Variants in LGI2 observed in about 807,000 individuals in gnomAD.
LGI2 encodes leucine rich repeat LGI family member 2.
Under a neutral mutation model 52.0 loss-of-function variants are expected in LGI2, and 30 were observed. The observed-to-expected ratio is 0.58, with a 90% CI of 0.43 to 0.78. The LOEUF is 0.78. LGI2 is among the 30% of genes least tolerant of loss of function. The pLI is 0.00. For synonymous variants in LGI2, 270 were observed against 271.8 expected (o/e 0.99, Z 0.06); for missense variants, 573 against 692.5 (o/e 0.83, Z 1.94).
chr4:25,011,438 C>T (rs1170674401), intron 7 of LGI2, among the ~76,000 whole-genome samples: 5 of 151,980 alleles, frequency 3.3e-5, no homozygotes, highest in Admixed American at 6.5e-5. Flanking sequence ...CATCTCACAC[C>T]GAGATACACT....
At chr4:25,030,432 C>T in intron 1 of LGI2, 65 bp downstream of exon 1, 1 of 1,520,366 alleles carries the variant, frequency 6.6e-7, no homozygotes, top group Non-Finnish European at 8.9e-7. Context: ...CCAGAGGCAA[C>T]TCCCTCGCGG....
At chr4:24,994,076 T>C (rs145490030), downstream of LGI2, among the ~76,000 whole-genome samples, 384 of 152,316 alleles carry the variant, frequency 2.5e-3, no homozygotes, top group Non-Finnish European at 4.4e-3. Flanking sequence ...TAGTTAGTGC[T>C]ATTCAATGTG....
intron 4 of LGI2, 116 bp from the exon 5 acceptor site, chr4:25,019,354 A>T (rs1401665144): frequency 1.5e-6 from 1 of 651,478 alleles, no homozygotes; most frequent in African/African-American, 1.9e-5. Context: ...ATACTGAGAT[A>T]GAGAAATGAG....
intron 7 of LGI2, among the ~76,000 whole-genome samples, chr4:25,009,235 C>T (rs1725495332): frequency 1.3e-5 from 2 of 152,188 alleles, no homozygotes; most frequent in Non-Finnish European, 2.9e-5. Context: ...TGCAACTCCC[C>T]GCTGGCTCAT....
chr4:25,026,822 AC>A, intron 3 of LGI2, 45 bp downstream of exon 3: 1 of 1,447,196 alleles, frequency 6.9e-7, no homozygotes, highest in Non-Finnish European at 9.7e-7. Flanking sequence ...CAGAAATTCT[AC>A]CAAGATACCG....
intron 4 of LGI2, among the ~76,000 whole-genome samples, chr4:25,022,745 C>T (rs1342811339): frequency 1.3e-5 from 2 of 152,216 alleles, no homozygotes; most frequent in Non-Finnish European, 2.9e-5. Context: ...AATACCCGCG[C>T]ATGATACCTG....
intron 7 of LGI2, among the ~76,000 whole-genome samples, chr4:25,006,358 G>A (rs1000276583): frequency 2.0e-5 from 3 of 152,032 alleles, no homozygotes; most frequent in Admixed American, 6.6e-5. Context: ...TCCATTAAAG[G>A]TTATTTCTTT....
chr4:25,007,809 C>G (rs1725441882), intron 7 of LGI2, among the ~76,000 whole-genome samples: 1 of 152,180 alleles, frequency 6.6e-6, no homozygotes. Flanking sequence ...GGAGCCATCC[C>G]TTTGGCAACA....
intron 4 of LGI2, among the ~76,000 whole-genome samples, chr4:25,023,068 T>TGATGATGATGATGA (rs1491429239): frequency 1.7e-4 from 26 of 151,148 alleles, no homozygotes; most frequent in Middle Eastern, 3.4e-3. Context: ...TATGTTGATG[T>TGATGATGATGATGA]TGATGATGAT....
downstream of LGI2, among the ~76,000 whole-genome samples, chr4:24,997,362 T>C (rs1474426200): frequency 6.6e-6 from 1 of 152,228 alleles, no homozygotes; most frequent in Non-Finnish European, 1.5e-5. Context: ...AGTTCCAAGA[T>C]GAAATGCACT....
rs929383568 is a variant in LGI2, at chr4:25,007,578, A to T, written c.821-3310T>A. Among the ~76,000 whole-genome samples, 6 of 142,350 alleles carry T rather than the reference A, an allele frequency of 4.2e-5. No homozygotes were observed. The East Asian group carries it at 1.2e-3, about 29-fold the overall frequency. 93.4% of individuals were successfully genotyped at this position (142,350 alleles called of 152,430 possible). A position where few individuals can be genotyped will look rare whatever the true frequency, so the allele number is the denominator to read the frequency against. On this transcript the variant is annotated intron_variant, in intron 7 of 7. Transcript: ENST00000382114. The stretch of plus-strand genomic sequence containing the variant: ...TGGAGTTGTCAGTAGCAGACAGATC[A>T]GTGTGTGTGTGTGTGTGTGTGTGTG...
chr4:25,021,756 G>A (rs1009417063), intron 4 of LGI2, among the ~76,000 whole-genome samples: 9 of 151,820 alleles, frequency 5.9e-5, no homozygotes, highest in African/African-American at 1.7e-4. Context: ...ACGGTGAAAC[G>A]CTGTCTCTAC....
At chr4:25,006,105 A>T (rs1324196922) in intron 7 of LGI2, among the ~76,000 whole-genome samples, 1 of 152,246 alleles carries the variant, frequency 6.6e-6, no homozygotes, top group Non-Finnish European at 1.5e-5. Flanking sequence ...GTGCTTGCCC[A>T]TAGTGGGCAT....
intron 4 of LGI2, among the ~76,000 whole-genome samples, chr4:25,019,688 C>T (rs932085420): frequency 6.6e-6 from 1 of 152,216 alleles, no homozygotes; most frequent in African/African-American, 2.4e-5. Flanking sequence ...GGCCTCTGAA[C>T]TTGGTCATCT....
In LGI2 at chr4:25,026,873, T is replaced by C; in HGVS notation, c.336A>G (p.Glu112=). The C allele has an allele frequency of 6.2e-7, 1 of 1,611,012 alleles. No homozygotes were observed. Among genetic ancestry groups the C allele is most frequent in the Non-Finnish European group, 8.5e-7 (1 of 1,177,172 alleles). Reference sequence around the variant, plus strand: ...AGACAAAGCACAAAACTTACAGGTATTCAAGATGAAAAAGTCCAGCAAAAG... The same window carrying C: ...AGACAAAGCACAAAACTTACAGGTACTCAAGATGAAAAAGTCCAGCAAAAG... ...DDAFAGLFHL[E]YLFIEGNKIE... is the part of the protein sequence containing the mutation. The change falls in exon 3 of 8, where the codon GAA becomes GAG. Residue 112 remains glutamate (E), a synonymous_variant. Transcript: ENST00000382114.
At chr4:25,015,479 C>T (rs988554649) in intron 6 of LGI2, among the ~76,000 whole-genome samples, 16 of 152,176 alleles carry the variant, frequency 1.1e-4, no homozygotes, top group African/African-American at 3.6e-4. Flanking sequence ...ATATGAATTA[C>T]ACCCCTTGGC....
chr4:25,021,947 A>C (rs1366847758), intron 4 of LGI2, among the ~76,000 whole-genome samples: 1 of 151,730 alleles, frequency 6.6e-6, no homozygotes, highest in Non-Finnish European at 1.5e-5. Flanking sequence ...AAAAAAAAAA[A>C]AACAAAGCCA....
chr4:24,994,701 A>G (rs1725008882), downstream of LGI2, among the ~76,000 whole-genome samples: 1 of 152,166 alleles, frequency 6.6e-6, no homozygotes. Flanking sequence ...TGTGGTCTCC[A>G]ATGTAACCCT....
chr4:25,012,877 C>T (rs552187031), intron 6 of LGI2, among the ~76,000 whole-genome samples: 45 of 152,232 alleles, frequency 3.0e-4, no homozygotes, highest in Admixed American at 9.8e-4. Flanking sequence ...CTGTGACAAG[C>T]GGGGGCTGCG....
Sources: allele counts gnomAD v4.1 joint callset (sites outside exome capture counted in the v4.1 genomes callset), GRCh38; gene constraint gnomAD v4.1.1; transcripts MANE v1.5; gene names NCBI Gene and HGNC (gene_info 2026-07-23, HGNC 2026-07-21).